CACNG3: variants seen among roughly 807,000 people sequenced by gnomAD.
CACNG3 encodes calcium voltage-gated channel auxiliary subunit gamma 3, also known as voltage-dependent calcium channel gamma-3 subunit.
CACNG3 carries 3 observed loss-of-function variants against 28.5 expected under a neutral mutation model. That is an observed-to-expected ratio of 0.11 (90% CI 0.05 to 0.27). CACNG3 has a LOEUF of 0.27. CACNG3 is among the 10% of genes least tolerant of loss of function. CACNG3 has a pLI of 1.00. For synonymous variants in CACNG3, 174 were observed against 162.2 expected (o/e 1.07, Z -0.55); for missense variants, 236 against 414.4 (o/e 0.57, Z 3.74).
At chr16:24,307,359 T>C (rs147229094) in intron 1 of CACNG3, among the ~76,000 whole-genome samples, 1,562 of 152,118 alleles carry the variant, frequency 0.01, 31 homozygotes, top group African/African-American at 0.035. Context: ...TGACCTCAAG[T>C]GATCCACCCA....
intron 1 of CACNG3, among the ~76,000 whole-genome samples, chr16:24,346,010 G>A (rs1162979231): frequency 6.6e-6 from 1 of 152,154 alleles, no homozygotes; most frequent in African/African-American, 2.4e-5. Context: ...GTGATTTCAA[G>A]AAAAATTCTT....
chr16:24,281,649 G>C (rs140173719), intron 1 of CACNG3, among the ~76,000 whole-genome samples: 13 of 152,324 alleles, frequency 8.5e-5, no homozygotes, highest in African/African-American at 3.1e-4. Flanking sequence ...CCGAAAGGTT[G>C]ATTGGCTTAG....
chr16:24,331,999 T>C (rs1899637156), intron 1 of CACNG3, among the ~76,000 whole-genome samples: 1 of 152,262 alleles, frequency 6.6e-6, no homozygotes. Flanking sequence ...GAAATTATCT[T>C]TTCCTTTTTA....
At chr16:24,346,628 C>T (rs1899871159) in intron 1 of CACNG3, 106 bp from the exon 2 acceptor site, 1 of 745,566 alleles carries the variant, frequency 1.3e-6, no homozygotes. Context: ...AACCCTACAG[C>T]CCCCAACAAC....
At chr16:24,302,506 G>A (rs1400833229) in intron 1 of CACNG3, among the ~76,000 whole-genome samples, 1 of 151,944 alleles carries the variant, frequency 6.6e-6, no homozygotes, top group African/African-American at 2.4e-5. Context: ...CCATGCTGGA[G>A]TGCAGTGGCA....
intron 3 of CACNG3, among the ~76,000 whole-genome samples, chr16:24,359,450 T>C (rs1456438996): frequency 1.3e-5 from 2 of 152,198 alleles, no homozygotes; most frequent in Non-Finnish European, 2.9e-5. Flanking sequence ...GAGAACTTGC[T>C]GCCTACCTGC....
chr16:24,361,074 A>C lies in CACNG3; in HGVS notation c.437-278A>C, dbSNP rs898047798. Among the ~76,000 whole-genome samples, 6 of 152,188 alleles carry C rather than the reference A, an allele frequency of 3.9e-5. No individual in the cohort carries two copies. The highest frequency in any genetic ancestry group is 1.4e-4 in the African/African-American group (6 of 41,448). On this transcript the variant is annotated intron_variant, in intron 3 of 3. Coordinates refer to ENST00000005284, the MANE Select transcript of CACNG3 (RefSeq NM_006539.4). The surrounding 1 kb of genome is among the most constrained non-coding windows in gnomAD (Gnocchi z 6.8). ...AGTGTTGATGAGATGAATTGCTTCT[A>C]AGGGAAAAATAAGTGCATTCTGAGT...
At position 24,330,858 on chromosome 16, in the gene CACNG3, A is replaced by G. The variant is rs79321517; in HGVS notation, c.212-15876A>G. ...AAGAAGACTTTCAGACACTCTAAAC[A>G]GTGAAATGATCAGGGTGACCACCCT... is the stretch of plus-strand genomic sequence containing the variant. On this transcript the variant is annotated intron_variant, in intron 1 of 3. Coordinates refer to ENST00000005284, the MANE Select transcript of CACNG3 (RefSeq NM_006539.4). Among the ~76,000 whole-genome samples, 1,211 of 152,362 alleles carry G rather than the reference A, an allele frequency of 7.9e-3. 15 individuals carry two copies. Among genetic ancestry groups the G allele is most frequent in the African/African-American group, 0.028 (1,154 of 41,600 alleles).
At chr16:24,322,788 A>G (rs1567218924) in intron 1 of CACNG3, among the ~76,000 whole-genome samples, 1 of 152,114 alleles carries the variant, frequency 6.6e-6, no homozygotes, top group Non-Finnish European at 1.5e-5. Context: ...TATGTCTATA[A>G]TCTAAATCAA....
intron 1 of CACNG3, among the ~76,000 whole-genome samples, chr16:24,272,581 A>G (rs891485506): frequency 2.0e-5 from 3 of 151,886 alleles, no homozygotes; most frequent in African/African-American, 7.3e-5. Context: ...CTTGCCATTT[A>G]TTTTTCAGTT....
intron 1 of CACNG3, among the ~76,000 whole-genome samples, chr16:24,259,768 C>T (rs1898514872): frequency 6.6e-6 from 1 of 152,144 alleles, no homozygotes; most frequent in Non-Finnish European, 1.5e-5. Context: ...AATAACTATC[C>T]AATGTGGAAT....
chr16:24,269,436 T>C (rs1898655342), intron 1 of CACNG3, among the ~76,000 whole-genome samples: 1 of 152,136 alleles, frequency 6.6e-6, no homozygotes, highest in Non-Finnish European at 1.5e-5. Flanking sequence ...GCCTGTAGTT[T>C]GAGAGAGTCT....
At chr16:24,257,840 G>A (rs1215260060) in intron 1 of CACNG3, among the ~76,000 whole-genome samples, 1 of 152,118 alleles carries the variant, frequency 6.6e-6, no homozygotes, top group Non-Finnish European at 1.5e-5. Context: ...AAAATATAAA[G>A]CCCTTTTGTA....
intron 1 of CACNG3, among the ~76,000 whole-genome samples, chr16:24,304,625 G>A (rs1482641244): frequency 6.6e-6 from 1 of 152,190 alleles, no homozygotes; most frequent in East Asian, 1.9e-4. Context: ...CCAAGCTGGA[G>A]TGCAGTAGCG....
intron 1 of CACNG3, among the ~76,000 whole-genome samples, chr16:24,323,219 CAAAAAAAAAAA>C (rs761999416): frequency 1.0e-4 from 7 of 66,794 alleles, no homozygotes; most frequent in Non-Finnish European, 1.9e-4. Flanking sequence ...GAGCAGGACT[CAAAAAAAAAAA>C]AAAAAAAAAA....
intron 1 of CACNG3, among the ~76,000 whole-genome samples, chr16:24,271,817 C>T (rs1332438930): frequency 1.3e-5 from 2 of 151,792 alleles, no homozygotes; most frequent in Admixed American, 1.3e-4. Flanking sequence ...CTAGAACAGT[C>T]ATGGCAGGGG....
chr16:24,351,168 C>T (rs1899933955), intron 2 of CACNG3, among the ~76,000 whole-genome samples: 1 of 152,092 alleles, frequency 6.6e-6, no homozygotes, highest in Non-Finnish European at 1.5e-5. Flanking sequence ...ACAGGAGGGG[C>T]AAGGAAGAGG....
At chr16:24,298,262 T>C (rs946145142) in intron 1 of CACNG3, among the ~76,000 whole-genome samples, 4 of 152,174 alleles carry the variant, frequency 2.6e-5, no homozygotes, top group African/African-American at 9.6e-5. Context: ...TGAAATACCA[T>C]GATCATCCTT....
intron 1 of CACNG3, among the ~76,000 whole-genome samples, chr16:24,316,733 T>A (rs1355897269): frequency 6.6e-6 from 1 of 152,164 alleles, no homozygotes; most frequent in Non-Finnish European, 1.5e-5. Context: ...CACCCTTGGC[T>A]CCTGGAAGTG....
Sources: allele counts gnomAD v4.1 joint callset (sites outside exome capture counted in the v4.1 genomes callset), GRCh38; gene constraint gnomAD v4.1.1; non-coding constraint Gnocchi (gnomAD v3.1); transcripts MANE v1.5; gene names NCBI Gene and HGNC (gene_info 2026-07-23, HGNC 2026-07-21).